Variants in ADAMTSL1 observed in about 807,000 individuals in gnomAD.
ADAMTSL1 encodes ADAMTS like 1.
Under a neutral mutation model 201.8 loss-of-function variants are expected in ADAMTSL1, and 126 were observed. That is an observed-to-expected ratio of 0.62 (90% CI 0.54 to 0.72). The LOEUF (loss-of-function observed/expected upper bound fraction) is 0.72. Ranked by LOEUF, ADAMTSL1 falls within the 30% of genes least tolerant of loss-of-function variation. ADAMTSL1 has a pLI of 0.00. For missense variants in ADAMTSL1, 2,679 were observed against 2,277.8 expected (o/e 1.18, Z -3.59); for synonymous variants, 1,121 against 903.4 (o/e 1.24, Z -4.32).
intron 2 of ADAMTSL1, among the ~76,000 whole-genome samples, chr9:18,399,318 T>TACATATATATATAC (rs546368782): frequency 9.9e-6 from 1 of 100,796 alleles, no homozygotes; most frequent in Non-Finnish European, 2.0e-5. Flanking sequence ...TATATATATA[T>TACATATATATATAC]ATATATATAT....
At chr9:18,763,996 T>C (rs1474619024) in intron 16 of ADAMTSL1, among the ~76,000 whole-genome samples, 3 of 152,212 alleles carry the variant, frequency 2.0e-5, no homozygotes, top group Non-Finnish European at 1.5e-5. Flanking sequence ...TGTGGTTCCA[T>C]ATGAATTTTA....
At chr9:18,239,268 A>G (rs977858605) in intron 2 of ADAMTSL1, among the ~76,000 whole-genome samples, 6 of 152,222 alleles carry the variant, frequency 3.9e-5, no homozygotes, top group African/African-American at 1.4e-4. Context: ...TCTCTGTAGC[A>G]TGTGATGCTG....
chr9:18,654,237 G>C (rs979786645), intron 7 of ADAMTSL1, among the ~76,000 whole-genome samples: 1 of 152,162 alleles, frequency 6.6e-6, no homozygotes, highest in Non-Finnish European at 1.5e-5. Flanking sequence ...TCAAAACAAA[G>C]TGCTCTTGGA....
intron 1 of ADAMTSL1, among the ~76,000 whole-genome samples, chr9:18,045,894 T>G (rs533122885): frequency 1.3e-5 from 2 of 152,146 alleles, no homozygotes; most frequent in Non-Finnish European, 2.9e-5. Context: ...CAAAAAAAAT[T>G]TCCCTGTTCT....
chr9:18,296,080 C>A (rs906069144), intron 2 of ADAMTSL1, among the ~76,000 whole-genome samples: 1 of 152,114 alleles, frequency 6.6e-6, no homozygotes, highest in Admixed American at 6.5e-5. Context: ...TTAGGCCTAA[C>A]TTTTAGTTGA....
intron 16 of ADAMTSL1, among the ~76,000 whole-genome samples, chr9:18,758,421 C>G (rs967453788): frequency 1.3e-5 from 2 of 152,224 alleles, no homozygotes; most frequent in Non-Finnish European, 2.9e-5. Flanking sequence ...CAAACTTACT[C>G]TCTTATAGTT....
At chr9:18,143,613 G>C (rs1004035516) in intron 1 of ADAMTSL1, among the ~76,000 whole-genome samples, 2 of 152,046 alleles carry the variant, frequency 1.3e-5, no homozygotes, top group Non-Finnish European at 2.9e-5. Flanking sequence ...CTTTATAGAT[G>C]GGTCCCCATT....
intron 23 of ADAMTSL1, among the ~76,000 whole-genome samples, chr9:18,836,851 T>C (rs1825340454): frequency 6.6e-6 from 1 of 152,200 alleles, no homozygotes; most frequent in Non-Finnish European, 1.5e-5. Context: ...TATTTTATTT[T>C]TGTGTATTTT....
At chr9:18,744,205 C>T (rs572074632) in intron 15 of ADAMTSL1, among the ~76,000 whole-genome samples, 3 of 152,366 alleles carry the variant, frequency 2.0e-5, no homozygotes, top group African/African-American at 7.2e-5. Context: ...TTGCAGTCCT[C>T]ATGGTTTAGC....
chr9:18,421,168 A>G (rs1332029311), intron 2 of ADAMTSL1, among the ~76,000 whole-genome samples: 1 of 152,186 alleles, frequency 6.6e-6, no homozygotes, highest in Non-Finnish European at 1.5e-5. Context: ...GTTCCCAACC[A>G]GCTTTCAGGT....
Position 18,504,876 on chromosome 9 carries a change from T to G in ADAMTSL1, c.111T>G (p.Asp37Glu). ...RSEEDRDGLW[D>E]AWGPWSECSR... ...AGGAGGACCGGGACGGCCTATGGGA[T>G]GCCTGGGGCCCATGGAGTGAATGCT... The change falls in exon 2 of 29, where the codon GAT becomes GAG. Residue 37 changes from aspartate to glutamate, a missense_variant. Asp to Glu is a conservative substitution (Grantham distance 45). Coordinates refer to ENST00000380548, the MANE Select transcript of ADAMTSL1 (RefSeq NM_001040272.6). 6.2e-7 allele frequency: 1 copy of G among 1,613,878 alleles called. No individual in the cohort carries two copies. The highest frequency in any genetic ancestry group is 8.5e-7 in the Non-Finnish European group (1 of 1,179,946).
At chr9:18,295,372 C>T (rs1014476543) in intron 2 of ADAMTSL1, among the ~76,000 whole-genome samples, 1 of 151,114 alleles carries the variant, frequency 6.6e-6, no homozygotes, top group African/African-American at 2.4e-5. Context: ...CAGAGTATCA[C>T]TCTGTCACCA....
At chr9:18,236,755 C>G (rs899419313) in intron 2 of ADAMTSL1, among the ~76,000 whole-genome samples, 2 of 152,148 alleles carry the variant, frequency 1.3e-5, no homozygotes, top group African/African-American at 4.8e-5. Flanking sequence ...AAATACACAT[C>G]CCATTATTAT....
At chr9:18,335,105 A>G (rs1367497026) in intron 2 of ADAMTSL1, among the ~76,000 whole-genome samples, 1 of 152,168 alleles carries the variant, frequency 6.6e-6, no homozygotes, top group Non-Finnish European at 1.5e-5. Flanking sequence ...TGTAATGACA[A>G]AGATAATCAA....
At chr9:18,190,943 A>G (rs1279905456) in intron 2 of ADAMTSL1, among the ~76,000 whole-genome samples, 4 of 152,192 alleles carry the variant, frequency 2.6e-5, no homozygotes, top group African/African-American at 9.6e-5. Context: ...TTTCTTGTTA[A>G]CTGGCCTACA....
rs35153132 is a variant in ADAMTSL1, at chr9:18,508,194, GAA to G, written c.191+3248_191+3249del. 1.4e-5 allele frequency among the ~76,000 whole-genome samples: 2 copies of G among 145,896 alleles called. 1 individual carries two copies. Among genetic ancestry groups the G allele is most frequent in the African/African-American group, 5.0e-5 (2 of 39,626 alleles). On this transcript the variant is annotated intron_variant, in intron 2 of 28. Coordinates refer to ENST00000380548, the MANE Select transcript of ADAMTSL1 (RefSeq NM_001040272.6). ...GCGAAACTCCGTCTCAAAAAAAAAAGAAAAAAAAAAATTCAGTTTTCTTTACC... is the reference window on the plus strand; with the variant it reads ...GCGAAACTCCGTCTCAAAAAAAAAAGAAAAAAAAATTCAGTTTTCTTTACC...
intron 2 of ADAMTSL1, among the ~76,000 whole-genome samples, chr9:18,311,800 A>G (rs750401104): frequency 1.4e-4 from 22 of 152,174 alleles, no homozygotes; most frequent in Non-Finnish European, 2.6e-4. Context: ...CATTTAAAAT[A>G]TATCTACAAC....
intron 1 of ADAMTSL1, among the ~76,000 whole-genome samples, chr9:18,011,148 G>C (rs528021026): frequency 6.6e-6 from 1 of 152,038 alleles, no homozygotes; most frequent in African/African-American, 2.4e-5. Context: ...TTTATAGCTA[G>C]CCTAGAACTA....
intron 2 of ADAMTSL1, among the ~76,000 whole-genome samples, chr9:18,435,002 G>A (rs1819662619): frequency 6.6e-6 from 1 of 152,148 alleles, no homozygotes; most frequent in African/African-American, 2.4e-5. Flanking sequence ...TGCAACATCT[G>A]GGTCACAATA....
Sources: gnomAD v4.1 joint callset for allele counts (sites outside exome capture counted in the v4.1 genomes callset) on GRCh38, gnomAD v4.1.1 for gene constraint, MANE v1.5 for transcripts, NCBI Gene and HGNC (gene_info 2026-07-23, HGNC 2026-07-21) for gene names.